Variants in GPC6 observed in about 807,000 individuals in gnomAD.
GPC6 encodes glypican 6, also known as glypican-6.
GPC6 carries 14 observed loss-of-function variants against 55.2 expected under a neutral mutation model. That is an observed-to-expected ratio of 0.25 (90% CI 0.17 to 0.40). The LOEUF (loss-of-function observed/expected upper bound fraction) is 0.40. Among genes scored for constraint, GPC6 ranks in the 10% least tolerant of loss-of-function variants. GPC6 has a pLI of 1.00. For missense variants in GPC6, 641 were observed against 708.5 expected (o/e 0.90, Z 1.08); for synonymous variants, 278 against 259.6 (o/e 1.07, Z -0.68).
chr13:93,266,285 T>A (rs1011867371), intron 1 of GPC6, among the ~76,000 whole-genome samples: 3 of 152,180 alleles, frequency 2.0e-5, no homozygotes, highest in African/African-American at 7.2e-5. Context: ...TGTGAATTTT[T>A]TATGCTAAAA....
intron 2 of GPC6, among the ~76,000 whole-genome samples, chr13:93,685,492 G>A (rs914993573): frequency 2.6e-5 from 4 of 152,168 alleles, no homozygotes; most frequent in African/African-American, 4.8e-5. Flanking sequence ...GCATTATGGA[G>A]CATGAAGTGC....
At chr13:94,268,034 T>C (rs1891871707) in intron 4 of GPC6, among the ~76,000 whole-genome samples, 1 of 152,198 alleles carries the variant, frequency 6.6e-6, no homozygotes. Flanking sequence ...AAACTGCAAC[T>C]TCAAACCTAG....
intron 5 of GPC6, among the ~76,000 whole-genome samples, chr13:94,301,750 C>T (rs1875662001): frequency 1.3e-5 from 2 of 152,198 alleles, no homozygotes; most frequent in South Asian, 2.1e-4. Context: ...TATACTTGTC[C>T]TTGGTAAATG....
chr13:93,904,203 A>G (rs1173136134), intron 3 of GPC6, among the ~76,000 whole-genome samples: 1 of 152,178 alleles, frequency 6.6e-6, no homozygotes, highest in African/African-American at 2.4e-5. Context: ...GCTGTGCAGT[A>G]AGCAGAAATG....
intron 4 of GPC6, among the ~76,000 whole-genome samples, chr13:94,038,562 C>A (rs1253491638): frequency 6.6e-6 from 1 of 151,918 alleles, no homozygotes; most frequent in Non-Finnish European, 1.5e-5. Flanking sequence ...CACTTATAAC[C>A]TGTGTGACTT....
At chr13:93,917,281 T>C (rs1028990295) in intron 3 of GPC6, among the ~76,000 whole-genome samples, 4 of 152,162 alleles carry the variant, frequency 2.6e-5, no homozygotes, top group Admixed American at 6.5e-5. Context: ...TTCACTCTTA[T>C]GAAAACTTAG....
At chr13:94,149,865 A>C (rs1327257978) in intron 4 of GPC6, among the ~76,000 whole-genome samples, 3 of 151,848 alleles carry the variant, frequency 2.0e-5, no homozygotes, top group African/African-American at 7.3e-5. Context: ...CTCCTGTTTG[A>C]CTTTTTTGAG....
intron 3 of GPC6, among the ~76,000 whole-genome samples, chr13:93,992,708 T>C (rs1881365735): frequency 6.6e-6 from 1 of 152,208 alleles, no homozygotes; most frequent in African/African-American, 2.4e-5. Flanking sequence ...AGTCATTATT[T>C]AATTAGACTT....
chr13:93,881,357 G>A (rs1364316436), intron 3 of GPC6, among the ~76,000 whole-genome samples: 6 of 152,122 alleles, frequency 3.9e-5, no homozygotes, highest in Non-Finnish European at 5.9e-5. Context: ...CAGACGTAAT[G>A]AGTAGCCTTC....
rs547815179 is a variant in GPC6 at position 93,567,544 on chromosome 13, C to T, written c.319+22123C>T. Among the ~76,000 whole-genome samples, 17 of 151,870 alleles carry T rather than the reference C, an allele frequency of 1.1e-4. No individual in the cohort carries two copies. In the South Asian group the frequency reaches 2.5e-3, roughly 22 times the overall value. On this transcript the variant is annotated intron_variant, in intron 2 of 8. Coordinates refer to ENST00000377047, the MANE Select transcript of GPC6 (RefSeq NM_005708.5). ...GTCACCATCTTAGCCAGGATGGTCTCGATCTCCTGACCTCATGATCTGCCC... is the reference window on the plus strand; with the variant it reads ...GTCACCATCTTAGCCAGGATGGTCTTGATCTCCTGACCTCATGATCTGCCC...
chr13:94,241,464 A>T (rs1353067084), intron 4 of GPC6, among the ~76,000 whole-genome samples: 1 of 152,098 alleles, frequency 6.6e-6, no homozygotes, highest in Admixed American at 6.5e-5. Flanking sequence ...CATTATACAT[A>T]TTTTCACATT....
intron 2 of GPC6, among the ~76,000 whole-genome samples, chr13:93,721,176 C>T (rs1883442814): frequency 6.6e-6 from 1 of 151,874 alleles, no homozygotes; most frequent in South Asian, 2.1e-4. Context: ...TAAAGTATCC[C>T]ACTATTATTG....
intron 2 of GPC6, among the ~76,000 whole-genome samples, chr13:93,724,634 C>T (rs1273029781): frequency 6.6e-6 from 1 of 151,940 alleles, no homozygotes; most frequent in African/African-American, 2.4e-5. Flanking sequence ...GATTAATGCC[C>T]AGATTTAGAA....
intron 1 of GPC6, among the ~76,000 whole-genome samples, chr13:93,415,855 TA>T (rs1876679102): frequency 6.6e-6 from 1 of 152,184 alleles, no homozygotes. Flanking sequence ...ATTGACGTGT[TA>T]GAAATGTAAT....
chr13:93,857,042 C>T (rs1888643257), intron 3 of GPC6, among the ~76,000 whole-genome samples: 1 of 151,650 alleles, frequency 6.6e-6, no homozygotes, highest in South Asian at 2.1e-4. Context: ...ACAATATTTA[C>T]AGCCACATAT....
intron 3 of GPC6, among the ~76,000 whole-genome samples, chr13:93,962,736 T>C (rs566133563): frequency 9.2e-5 from 14 of 152,306 alleles, no homozygotes; most frequent in African/African-American, 2.6e-4. Flanking sequence ...AGAAATACTA[T>C]AAAGTGGCTT....
chr13:93,333,011 A>C (rs1239284534), intron 1 of GPC6, among the ~76,000 whole-genome samples: 1 of 152,184 alleles, frequency 6.6e-6, no homozygotes, highest in Admixed American at 6.5e-5. Flanking sequence ...AGTTGGCTGT[A>C]AATGTGTGGA....
Position 93,883,140 on chromosome 13 carries a change from C to G in GPC6, c.711+52595C>G, listed in dbSNP as rs1006701589. On this transcript the variant is annotated intron_variant, in intron 3 of 8. Transcript: ENST00000377047. Reference sequence around the variant, plus strand: ...TCCTCTCTGTTCAATATGCACTGCTCAGTTTCCAGACCTGACAACTTTTTG... The same window carrying G: ...TCCTCTCTGTTCAATATGCACTGCTGAGTTTCCAGACCTGACAACTTTTTG... 4.0e-5 allele frequency among the ~76,000 whole-genome samples: 6 copies of G among 150,780 alleles called. No individual in the cohort carries two copies. In the South Asian group the frequency reaches 8.5e-4, roughly 21 times the overall value.
intron 1 of GPC6, among the ~76,000 whole-genome samples, chr13:93,424,389 G>A (rs139871022): frequency 5.6e-4 from 85 of 152,206 alleles, no homozygotes; most frequent in African/African-American, 1.3e-3. Flanking sequence ...GTTGGATCCC[G>A]GAGAGAAACT....
Sources: gnomAD v4.1 joint callset for allele counts (sites outside exome capture counted in the v4.1 genomes callset) on GRCh38, gnomAD v4.1.1 for gene constraint, MANE v1.5 for transcripts, NCBI Gene and HGNC (gene_info 2026-07-23, HGNC 2026-07-21) for gene names.